Variants in PCMTD1 observed in about 807,000 individuals in gnomAD.
The protein encoded by PCMTD1 is protein-L-isoaspartate (D-aspartate) O-methyltransferase domain containing 1, also known as protein-L-isoaspartate O-methyltransferase domain-containing protein 1.
Under a neutral mutation model 37.6 loss-of-function variants are expected in PCMTD1, and 12 were observed. The observed-to-expected ratio is 0.32, with a 90% CI of 0.20 to 0.52. The LOEUF is 0.52. Ranked by LOEUF, PCMTD1 falls within the 20% of genes least tolerant of loss-of-function variation. The pLI is 0.97. For missense variants in PCMTD1, 235 were observed against 421.3 expected, an observed-to-expected ratio of 0.56 and a Z score of 3.87; for synonymous variants, 117 against 135.8, an observed-to-expected ratio of 0.86 and a Z score of 0.96.
At chr8:51,899,080 C>T (rs1048978327), upstream of PCMTD1, 9 of 1,491,504 alleles carry the variant, frequency 6.0e-6, no homozygotes, top group Admixed American at 4.5e-5. Context: ...GCCAGAGCCT[C>T]CCGGACTCCG....
chr8:51,896,494 G>A (rs1248166319), intron 1 of PCMTD1: 25 of 152,024 alleles, frequency 1.6e-4, no homozygotes, highest in Admixed American at 1.6e-3. Context: ...TTACTGATAT[G>A]AGACTATCCT....
intron 2 of PCMTD1, among the ~76,000 whole-genome samples, chr8:51,858,564 C>T (rs2038425567): frequency 6.6e-6 from 1 of 152,130 alleles, no homozygotes; most frequent in Non-Finnish European, 1.5e-5. Flanking sequence ...ACACACAAAA[C>T]ACAAACTAAA....
At position 51,860,816 on chromosome 8, in the gene PCMTD1, A is replaced by T. The variant is rs568882671; in HGVS notation, c.307+29T>A. On this transcript the variant is annotated intron_variant, in intron 2 of 5. Transcript: ENST00000522514. ...CATAATACAAAATGGCTTATTTTTT[A>T]AAATAGAATTTTACAAAAATAAAAT... 9 of 1,516,170 alleles carry T rather than the reference A, an allele frequency of 5.9e-6. No individual in the cohort carries two copies. In the East Asian group the frequency reaches 2.2e-4, roughly 36 times the overall value. The allele number at this position is 1,516,170 out of a possible 1,614,324, so 93.9% of individuals were successfully genotyped here.
At chr8:51,881,195 T>C (rs545400654) in intron 1 of PCMTD1, among the ~76,000 whole-genome samples, 7 of 152,340 alleles carry the variant, frequency 4.6e-5, no homozygotes, top group African/African-American at 1.7e-4. Flanking sequence ...ATCTCTCTTC[T>C]CCATGGACTG....
intron 1 of PCMTD1, among the ~76,000 whole-genome samples, chr8:51,880,120 G>A (rs2038771364): frequency 6.6e-6 from 1 of 151,856 alleles, no homozygotes; most frequent in Non-Finnish European, 1.5e-5. Context: ...GGATCCCTTG[G>A]GACCAGGAGT....
intron 1 of PCMTD1, 66 bp downstream of exon 1, chr8:51,898,864 G>A (rs1188877731): frequency 1.6e-6 from 2 of 1,234,728 alleles, no homozygotes; most frequent in South Asian, 3.5e-5. Flanking sequence ...CCAGTCGCCC[G>A]CCCGGCCCTA....
At chr8:51,845,946 A>T (rs1456016129) in intron 2 of PCMTD1, among the ~76,000 whole-genome samples, 183 bp from the exon 3 acceptor site, 1 of 152,150 alleles carries the variant, frequency 6.6e-6, no homozygotes, top group African/African-American at 2.4e-5. Flanking sequence ...TAATGTAAAA[A>T]AAGGGGAAAA....
chr8:51,883,547 A>G (rs2038822398), intron 1 of PCMTD1, among the ~76,000 whole-genome samples: 1 of 152,240 alleles, frequency 6.6e-6, no homozygotes, highest in Non-Finnish European at 1.5e-5. Context: ...ACAAAAGAGT[A>G]AACAGTTTTA....
At chr8:51,870,731 CAG>C (rs1226326763) in intron 1 of PCMTD1, among the ~76,000 whole-genome samples, 4 of 152,178 alleles carry the variant, frequency 2.6e-5, no homozygotes, top group Non-Finnish European at 5.9e-5. Flanking sequence ...ACAATTTGCT[CAG>C]AGGCTCCTGA....
chr8:51,892,206 G>A (rs972006134), intron 1 of PCMTD1, among the ~76,000 whole-genome samples: 1 of 152,104 alleles, frequency 6.6e-6, no homozygotes, highest in Admixed American at 6.5e-5. Flanking sequence ...GACACAAAGG[G>A]ATCTAAATTC....
intron 1 of PCMTD1, among the ~76,000 whole-genome samples, chr8:51,883,371 G>C (rs2038819780): frequency 6.6e-6 from 1 of 152,134 alleles, no homozygotes; most frequent in Non-Finnish European, 1.5e-5. Context: ...TGATACTTCA[G>C]TGTCCTAAGG....
rs777047519 is a variant in PCMTD1 at position 51,876,618 on chromosome 8, C to A, written c.-95-15372G>T. Among the ~76,000 whole-genome samples the A allele has an allele frequency of 1.9e-3, 286 of 152,074 alleles. 1 individual carries two copies. Among genetic ancestry groups the A allele is most frequent in the Non-Finnish European group, 3.1e-4 (21 of 68,014 alleles). ...AAATTCAGGCAGGGAAAATATGAGT[C>A]TGAAACACCTTCTTAAGACAAAATA... On this transcript the variant is annotated intron_variant, in intron 1 of 5. Coordinates refer to ENST00000522514, the MANE Select transcript of PCMTD1 (RefSeq NM_052937.4).
intron 1 of PCMTD1, among the ~76,000 whole-genome samples, chr8:51,882,971 C>A (rs796161911): frequency 6.9e-4 from 95 of 137,474 alleles, no homozygotes; most frequent in Non-Finnish European, 1.0e-3. Flanking sequence ...ACTAAAAATA[C>A]AAAAAAAAAA....
chr8:51,888,104 C>G (rs2038890101), intron 1 of PCMTD1, among the ~76,000 whole-genome samples: 1 of 152,072 alleles, frequency 6.6e-6, no homozygotes, highest in Non-Finnish European at 1.5e-5. Context: ...ATATAAACTT[C>G]AAGTTTAAAA....
intron 1 of PCMTD1, among the ~76,000 whole-genome samples, chr8:51,875,384 CCA>C (rs1320461571): frequency 3.1e-4 from 47 of 152,158 alleles, no homozygotes; most frequent in African/African-American, 1.1e-3. Context: ...TAGACTAAAT[CCA>C]CACAGGTTAT....
intron 2 of PCMTD1, chr8:51,849,810 T>C (rs1197074125): frequency 3.0e-5 from 14 of 471,500 alleles, no homozygotes; most frequent in Non-Finnish European, 5.3e-5. Context: ...CAAGTGTCTA[T>C]GCAATACCAA....
At position 51,823,295 on chromosome 8, in the gene PCMTD1, C is replaced by G. The variant is rs2037874955; in HGVS notation, c.707-2577G>C. ...TCTGGGCAACATGGTGAAATCCTGT[C>G]TCTACAAAAAAGAGAAAAATTAGCC... On this transcript the variant is annotated intron_variant, in intron 5 of 5. Coordinates refer to ENST00000522514, the MANE Select transcript of PCMTD1 (RefSeq NM_052937.4). 2.0e-5 allele frequency among the ~76,000 whole-genome samples: 3 copies of G among 152,122 alleles called. No individual in the cohort carries two copies. In the South Asian group the frequency reaches 6.2e-4, roughly 32 times the overall value.
In PCMTD1 at chr8:51,883,835, TA is replaced by T. The variant is rs1347150879; in HGVS notation, c.-96+15094del. 1.2e-4 allele frequency among the ~76,000 whole-genome samples: 18 copies of T among 152,316 alleles called. No homozygotes were observed. The East Asian group carries it at 3.5e-3, about 29-fold the overall frequency. On this transcript the variant is annotated intron_variant, in intron 1 of 5. Coordinates refer to ENST00000522514, the MANE Select transcript of PCMTD1 (RefSeq NM_052937.4). ...ATTTAAAAACCTCATTCCAGAACTT[TA>T]AAACCATTTGCATTTACAAAAACAA...
chr8:51,842,386 A>G (rs2038159774), intron 3 of PCMTD1, among the ~76,000 whole-genome samples: 1 of 152,136 alleles, frequency 6.6e-6, no homozygotes, highest in Non-Finnish European at 1.5e-5. Context: ...GCTGGAGTGC[A>G]ATAGTGCAAT....
Sources: gnomAD v4.1 joint callset for allele counts (sites outside exome capture counted in the v4.1 genomes callset) on GRCh38, gnomAD v4.1.1 for gene constraint, MANE v1.5 for transcripts, NCBI Gene and HGNC (gene_info 2026-07-23, HGNC 2026-07-21) for gene names.